RASSF5: variants seen among roughly 807,000 people sequenced by gnomAD.
RASSF5 encodes the protein ras association domain-containing protein 5.
A neutral mutation model predicts 40.5 loss-of-function variants in RASSF5; 25 were observed. The observed-to-expected ratio is 0.62, with a 90% CI of 0.45 to 0.86. The LOEUF (loss-of-function observed/expected upper bound fraction) is 0.86. Ranked by LOEUF, RASSF5 falls within the 40% of genes least tolerant of loss-of-function variation. RASSF5 has a pLI of 0.00. For synonymous variants in RASSF5, 246 were observed against 252.4 expected, an observed-to-expected ratio of 0.97 and a Z score of 0.24; for missense variants, 521 against 572.8, an observed-to-expected ratio of 0.91 and a Z score of 0.92.
Position 206,531,743 on chromosome 1 carries a change from T to G in RASSF5, c.458-6429T>G, listed in dbSNP as rs1263554316. Among the ~76,000 whole-genome samples, 6 of 152,298 alleles carry G rather than the reference T, an allele frequency of 3.9e-5. No homozygotes were observed. Among genetic ancestry groups the G allele is most frequent in the African/African-American group, 1.4e-4 (6 of 41,560 alleles). On this transcript the variant is annotated intron_variant, in intron 1 of 5. Coordinates refer to ENST00000579436, the MANE Select transcript of RASSF5 (RefSeq NM_182663.4). This position sits in a 1 kb window ranked among gnomAD's most constrained non-coding sequence, Gnocchi z 4.7. ...AGAGGATCAGGACAAGCTTTACACC[T>G]GCCCTTTTAAAACTTTGGTAAATTG... is the stretch of plus-strand genomic sequence containing the variant.
intron 1 of RASSF5, among the ~76,000 whole-genome samples, chr1:206,527,152 T>G (rs1344557035): frequency 6.6e-6 from 1 of 152,096 alleles, no homozygotes; most frequent in Admixed American, 6.5e-5. Flanking sequence ...CCCGATTGAG[T>G]GTTCCATCTT....
At chr1:206,557,372 G>A in intron 2 of RASSF5, 1 of 1,343,072 alleles carries the variant, frequency 7.4e-7, no homozygotes, top group Non-Finnish European at 9.5e-7. Flanking sequence ...CGGGCCGCCC[G>A]AGCGCTCGCA....
At chr1:206,578,135 A>G (rs1198069517) in intron 2 of RASSF5, among the ~76,000 whole-genome samples, 1 of 150,726 alleles carries the variant, frequency 6.6e-6, no homozygotes, top group African/African-American at 2.4e-5. Context: ...CTGAGGCAGG[A>G]GGATTGCTTG....
At position 206,508,322 on chromosome 1, in the gene RASSF5, CCACACA is replaced by C. The variant is rs368124193; in HGVS notation, c.457+291_457+296del. ...CCTGACAGGTGCGTGCCTTGGCCCT[CCACACA>C]CACACACACACACACACACACACAC... On this transcript the variant is annotated intron_variant, in intron 1 of 5. Coordinates refer to ENST00000579436, the MANE Select transcript of RASSF5 (RefSeq NM_182663.4). Among the ~76,000 whole-genome samples, 680 of 146,612 alleles carry C rather than the reference CCACACA, an allele frequency of 4.6e-3. 5 individuals carry two copies. Among genetic ancestry groups the C allele is most frequent in the African/African-American group, 0.014 (577 of 39,906 alleles).
At chr1:206,515,402 C>T (rs1666723465) in intron 1 of RASSF5, among the ~76,000 whole-genome samples, 1 of 152,166 alleles carries the variant, frequency 6.6e-6, no homozygotes, top group Non-Finnish European at 1.5e-5. Flanking sequence ...TCCCACCTCA[C>T]CCCGTAGGTG....
chr1:206,539,891 T>G (rs1222283859), intron 2 of RASSF5, among the ~76,000 whole-genome samples: 1 of 152,218 alleles, frequency 6.6e-6, no homozygotes, highest in African/African-American at 2.4e-5. Context: ...CTTTTCTCTT[T>G]GGGAGCTTCC....
At chr1:206,573,364 A>G (rs1668520017) in intron 2 of RASSF5, among the ~76,000 whole-genome samples, 2 of 152,248 alleles carry the variant, frequency 1.3e-5, no homozygotes, top group Non-Finnish European at 2.9e-5. Context: ...AGTGAGTAAT[A>G]GGAGTCAGAA....
rs1404259448 is a variant in RASSF5, at chr1:206,587,041, G to A, written c.*63G>A. ...TATTTGTATTATTAATTATTATTTT[G>A]CAACAGACACTTTTTCTCAGGACAT... On this transcript the variant is annotated 3_prime_UTR_variant, in exon 6 of 6. Transcript: ENST00000579436. The A allele has an allele frequency of 6.3e-7, 1 of 1,584,952 alleles. No homozygotes were observed. The highest frequency in any genetic ancestry group is 8.6e-7 in the Non-Finnish European group (1 of 1,163,008).
intron 1 of RASSF5, among the ~76,000 whole-genome samples, chr1:206,510,934 T>C (rs1463794664): frequency 6.6e-6 from 1 of 152,180 alleles, no homozygotes; most frequent in African/African-American, 2.4e-5. Flanking sequence ...CCCAGGAGAC[T>C]GACACTGGGT....
chr1:206,548,791 C>T lies in RASSF5; in HGVS notation c.579+10498C>T, dbSNP rs550325765. Among the ~76,000 whole-genome samples, 10 of 152,308 alleles carry T rather than the reference C, an allele frequency of 6.6e-5. No homozygotes were observed. The East Asian group carries it at 1.9e-3, about 29-fold the overall frequency. On this transcript the variant is annotated intron_variant, in intron 2 of 5. Transcript: ENST00000579436. ...GGATACCACTTACATGTATATTAGA[C>T]TGCTTGAATTCGTTCCACAGCTTAC...
At chr1:206,580,486 G>A (rs1365287971) in intron 2 of RASSF5, among the ~76,000 whole-genome samples, 1 of 152,178 alleles carries the variant, frequency 6.6e-6, no homozygotes, top group Non-Finnish European at 1.5e-5. Flanking sequence ...AGCTCCCAGC[G>A]GGAAGGTATA....
At chr1:206,512,787 G>A (rs1378296620) in intron 1 of RASSF5, among the ~76,000 whole-genome samples, 1 of 152,240 alleles carries the variant, frequency 6.6e-6, no homozygotes, top group Non-Finnish European at 1.5e-5. Flanking sequence ...AGGGGAAGCT[G>A]CCGCAAGGCC....
chr1:206,512,137 T>G (rs1666633934), intron 1 of RASSF5, among the ~76,000 whole-genome samples: 1 of 152,074 alleles, frequency 6.6e-6, no homozygotes, highest in Admixed American at 6.6e-5. Flanking sequence ...AAATGGAAAT[T>G]TTGTTGTTAA....
At chr1:206,550,947 A>G (rs924856878) in intron 2 of RASSF5, among the ~76,000 whole-genome samples, 1 of 152,210 alleles carries the variant, frequency 6.6e-6, no homozygotes, top group African/African-American at 2.4e-5. Context: ...CCTTTCTGCC[A>G]TCTTGGAGCA....
At chr1:206,523,303 CA>C (rs527672342) in intron 1 of RASSF5, among the ~76,000 whole-genome samples, 24 of 134,550 alleles carry the variant, frequency 1.8e-4, no homozygotes, top group East Asian at 6.2e-4. Flanking sequence ...GACTTTGTCT[CA>C]AAAAAAACCC....
chr1:206,537,284 T>C (rs927641684), intron 1 of RASSF5, among the ~76,000 whole-genome samples: 8 of 152,192 alleles, frequency 5.3e-5, no homozygotes, highest in African/African-American at 1.7e-4. Flanking sequence ...GTGAACATTG[T>C]CGATGGAATG....
At chr1:206,536,731 C>A (rs1667423116) in intron 1 of RASSF5, among the ~76,000 whole-genome samples, 1 of 152,114 alleles carries the variant, frequency 6.6e-6, no homozygotes, top group Admixed American at 6.5e-5. Flanking sequence ...CAAAAAGTGG[C>A]CCCCTAATCC....
At position 206,560,165 on chromosome 1, in the gene RASSF5, T is replaced by C. The variant is rs1668099109; in HGVS notation, c.579+21872T>C. 1.3e-5 allele frequency among the ~76,000 whole-genome samples: 2 copies of C among 152,214 alleles called. No homozygotes were observed. Among genetic ancestry groups the C allele is most frequent in the Non-Finnish European group, 2.9e-5 (2 of 68,042 alleles). On this transcript the variant is annotated intron_variant, in intron 2 of 5. Transcript: ENST00000579436. This position sits in a 1 kb window ranked among gnomAD's most constrained non-coding sequence, Gnocchi z 5.1. ...GATGTGTTTCCCGGTCGTCGAGAGATTGAGGCCCTCATCTGGGAAGGGCTG... is the reference window on the plus strand; with the variant it reads ...GATGTGTTTCCCGGTCGTCGAGAGACTGAGGCCCTCATCTGGGAAGGGCTG...
chr1:206,519,856 A>G (rs1278381961), intron 1 of RASSF5, among the ~76,000 whole-genome samples: 6 of 152,200 alleles, frequency 3.9e-5, no homozygotes, highest in African/African-American at 1.2e-4. Flanking sequence ...TTGGAGACAA[A>G]TATTTCTTAG....
Sources: gnomAD v4.1 joint callset for allele counts (sites outside exome capture counted in the v4.1 genomes callset) on GRCh38, gnomAD v4.1.1 for gene constraint, Gnocchi (gnomAD v3.1) non-coding constraint, MANE v1.5 for transcripts, NCBI Gene and HGNC (gene_info 2026-07-23, HGNC 2026-07-21) for gene names.